The following ADGRB1 variants were observed in gnomAD, a reference collection of about 807,000 sequenced individuals.
ADGRB1 encodes brain-specific angiogenesis inhibitor 1.
In ADGRB1, 36 loss-of-function variants were observed where a neutral mutation model predicts 175.7. The observed-to-expected ratio is 0.20, with a 90% CI of 0.16 to 0.27. ADGRB1 has a LOEUF of 0.27. Among genes scored for constraint, ADGRB1 ranks in the 10% least tolerant of loss-of-function variants. The pLI is 1.00. For missense variants in ADGRB1, 1,731 were observed against 2,255.3 expected, an observed-to-expected ratio of 0.77 and a Z score of 4.71; for synonymous variants, 1,054 against 979.4, an observed-to-expected ratio of 1.08 and a Z score of -1.42.
chr8:142,467,046 T>C (rs1245978756), intron 2 of ADGRB1, among the ~76,000 whole-genome samples: 1 of 152,136 alleles, frequency 6.6e-6, no homozygotes, highest in Non-Finnish European at 1.5e-5. Flanking sequence ...TGGAGCTTGT[T>C]GGAAAGAGCT....
intron 1 of ADGRB1, among the ~76,000 whole-genome samples, chr8:142,450,717 C>T (rs371682409): frequency 3.6e-4 from 55 of 152,196 alleles, no homozygotes; most frequent in African/African-American, 1.3e-3. Flanking sequence ...CTCGTAGAAG[C>T]CCTCGCCTGT....
At chr8:142,505,876 G>T (rs1048476566) in intron 17 of ADGRB1, among the ~76,000 whole-genome samples, 1 of 152,212 alleles carries the variant, frequency 6.6e-6, no homozygotes, top group African/African-American at 2.4e-5. Flanking sequence ...TCAGATAAAG[G>T]CTGGTGGGAT....
At chr8:142,460,528 C>G (rs1044012891) in intron 1 of ADGRB1, among the ~76,000 whole-genome samples, 1 of 152,176 alleles carries the variant, frequency 6.6e-6, no homozygotes, top group Non-Finnish European at 1.5e-5. Context: ...TGAGCCCTCT[C>G]TCCCCACACC....
rs749980088 is a variant in ADGRB1 at position 142,488,368 on chromosome 8, C to T, written c.2313C>T (p.Leu771=). The change falls in exon 14 of 31, where the codon CTC becomes CTT. Residue 771 remains leucine, a synonymous_variant. Transcript: ENST00000517894. ...DAYQVTDNLV[L]SIHKLPASGA... Reference sequence around the variant, plus strand: ...CGCCTTTGACCCTGCTCCCAGTTCTCAGCATCCATAAGCTCCCAGCCAGCG... The same window carrying T: ...CGCCTTTGACCCTGCTCCCAGTTCTTAGCATCCATAAGCTCCCAGCCAGCG... 1.9e-6 allele frequency: 3 copies of T among 1,613,030 alleles called. No homozygotes were observed. Among genetic ancestry groups the T allele is most frequent in the Middle Eastern group, 3.3e-4 (2 of 6,060 alleles).
Position 142,527,780 on chromosome 8 carries a change from T to C in ADGRB1, c.3398+1153T>C, listed in dbSNP as rs1247956822. On this transcript the variant is annotated intron_variant, in intron 24 of 30. Coordinates refer to ENST00000517894, the MANE Select transcript of ADGRB1 (RefSeq NM_001702.3). ...TAAAAGCAGCAGTGATCTCAGGGGCTCACCCAGGGTGGATGTTTTGTTTGC... is the reference window on the plus strand; with the variant it reads ...TAAAAGCAGCAGTGATCTCAGGGGCCCACCCAGGGTGGATGTTTTGTTTGC... Among the ~76,000 whole-genome samples the C allele has an allele frequency of 2.6e-5, 4 of 152,198 alleles. No homozygotes were observed. The South Asian group carries it at 8.3e-4, about 31-fold the overall frequency.
chr8:142,463,636 C>T (rs1388571101), intron 1 of ADGRB1, among the ~76,000 whole-genome samples: 1 of 152,250 alleles, frequency 6.6e-6, no homozygotes, highest in Non-Finnish European at 1.5e-5. Flanking sequence ...GCAGGCAGGC[C>T]AGGGCCCCCG....
chr8:142,513,282 G>A (rs1248794875), intron 18 of ADGRB1, among the ~76,000 whole-genome samples: 2 of 152,208 alleles, frequency 1.3e-5, no homozygotes, highest in Non-Finnish European at 2.9e-5. Flanking sequence ...CAGACCATGT[G>A]TGGCTCAGTT....
rs1426550218 is a variant in ADGRB1 at position 142,542,683 on chromosome 8, C to A, written c.4413+36C>A. On this transcript the variant is annotated intron_variant, in intron 28 of 30. Transcript: ENST00000517894. The surrounding 1 kb of genome is among the most constrained non-coding windows in gnomAD (Gnocchi z 6.3). Reference sequence around the variant, plus strand: ...CAGGGGTGGGCCACACCCCAGCCAGCGAGGGCAGGGCTGCAGCAGCTGGGT... The same window carrying A: ...CAGGGGTGGGCCACACCCCAGCCAGAGAGGGCAGGGCTGCAGCAGCTGGGT... 1 of 1,505,304 alleles carries A rather than the reference C, an allele frequency of 6.6e-7. No individual in the cohort carries two copies. The highest frequency in any genetic ancestry group is 2.1e-5 in the Admixed American group (1 of 46,646). The allele number at this position is 1,505,304 out of a possible 1,614,324, so 93.2% of individuals were successfully genotyped here. A position where few individuals can be genotyped will look rare whatever the true frequency, so the allele number is the denominator to read the frequency against.
At chr8:142,451,388 C>T (rs1839340996) in intron 1 of ADGRB1, among the ~76,000 whole-genome samples, 1 of 152,164 alleles carries the variant, frequency 6.6e-6, no homozygotes, top group African/African-American at 2.4e-5. Context: ...GGCGCCTAGG[C>T]TGGGACCCGA....
chr8:142,488,611 C>G, intron 14 of ADGRB1, 104 bp downstream of exon 14: 1 of 1,465,150 alleles, frequency 6.8e-7, no homozygotes, highest in Non-Finnish European at 9.2e-7. Flanking sequence ...CAGAGTTGGG[C>G]GGTTCTCAAG....
Position 142,464,091 on chromosome 8 carries a change from C to A in ADGRB1, c.-108C>A. 2.2e-6 allele frequency: 2 copies of A among 917,858 alleles called. No homozygotes were observed. The highest frequency in any genetic ancestry group is 2.8e-6 in the Non-Finnish European group (2 of 715,204). The allele number at this position is 917,858 out of a possible 1,614,324, so 56.9% of individuals were successfully genotyped here. A position where few individuals can be genotyped will look rare whatever the true frequency, so the allele number is the denominator to read the frequency against. On this transcript the variant is annotated 5_prime_UTR_variant, in exon 2 of 31. Transcript: ENST00000517894. ...TCCCATCCCACCCTTGCCCCGCCTC[C>A]CTGCCCCCACCGGGCCGGCCCTGCC...
chr8:142,541,392 T>C (rs1845262390), intron 27 of ADGRB1, among the ~76,000 whole-genome samples: 1 of 152,026 alleles, frequency 6.6e-6, no homozygotes, highest in Non-Finnish European at 1.5e-5. Flanking sequence ...CAGGCGGCCC[T>C]CAGGGCAGAG....
intron 24 of ADGRB1, among the ~76,000 whole-genome samples, chr8:142,527,518 G>A (rs1844279458): frequency 6.6e-6 from 1 of 152,046 alleles, no homozygotes; most frequent in Non-Finnish European, 1.5e-5. Flanking sequence ...CAGCCGAGCT[G>A]GTGTCTGATG....
intron 9 of ADGRB1, among the ~76,000 whole-genome samples, chr8:142,480,439 G>A (rs890440570): frequency 1.3e-5 from 2 of 152,134 alleles, no homozygotes; most frequent in Non-Finnish European, 2.9e-5. Flanking sequence ...GGGGGACGGT[G>A]GCAGGGGCCC....
Position 142,493,805 on chromosome 8 carries a change from C to G in ADGRB1, c.2675+2990C>G, listed in dbSNP as rs558297290. ...GGCAGGGAAGGACTGGGACTGACCT[C>G]GGTCCCCTTCCTTCTGCCCCTCACC... On this transcript the variant is annotated intron_variant, in intron 17 of 30. Transcript: ENST00000517894. The surrounding 1 kb of genome is among the most constrained non-coding windows in gnomAD (Gnocchi z 5.0). Among the ~76,000 whole-genome samples the G allele has an allele frequency of 6.6e-6, 1 of 152,216 alleles. No homozygotes were observed. The highest frequency in any genetic ancestry group is 2.4e-5 in the African/African-American group (1 of 41,452).
rs1352876387 is a variant in ADGRB1, at chr8:142,544,363, C to T, written c.4701C>T (p.Gly1567=). 32 of 1,536,106 alleles carry T rather than the reference C, an allele frequency of 2.1e-5. No individual in the cohort carries two copies. Among genetic ancestry groups the T allele is most frequent in the African/African-American group, 5.5e-5 (4 of 72,408 alleles). The change falls in exon 31 of 31, where the codon GGC becomes GGT. Residue 1567 remains glycine (G), a synonymous_variant. Transcript: ENST00000517894. ...GCAGCGTGGAGTGGGAGAGGTCGGG[C>T]GCCACGATCCCGCTGGTGGGCCAGG... is the stretch of plus-strand genomic sequence containing the variant. ...ELRSVEWERS[G]ATIPLVGQDI...
intron 25 of ADGRB1, 119 bp downstream of exon 25, chr8:142,533,585 C>G (rs1326553296): frequency 1.7e-6 from 2 of 1,203,958 alleles, no homozygotes; most frequent in African/African-American, 3.0e-5. Flanking sequence ...CATCCATGAC[C>G]CTGACACATC....
At chr8:142,505,872 A>C (rs932716104) in intron 17 of ADGRB1, among the ~76,000 whole-genome samples, 13 of 152,110 alleles carry the variant, frequency 8.5e-5, no homozygotes, top group Non-Finnish European at 1.2e-4. Context: ...ATTTTCAGAT[A>C]AAGGCTGGTG....
chr8:142,529,841 T>G (rs1587424115), intron 24 of ADGRB1, among the ~76,000 whole-genome samples: 1 of 151,078 alleles, frequency 6.6e-6, no homozygotes, highest in East Asian at 2.0e-4. Context: ...TGTGTATGTG[T>G]GAGTGTGCAT....
Sources: allele counts gnomAD v4.1 joint callset (sites outside exome capture counted in the v4.1 genomes callset), GRCh38; gene constraint gnomAD v4.1.1; non-coding constraint Gnocchi (gnomAD v3.1); transcripts MANE v1.5; gene names NCBI Gene and HGNC (gene_info 2026-07-23, HGNC 2026-07-21).